The following LTBP1 variants were observed in gnomAD, a reference collection of about 807,000 sequenced individuals.
The protein encoded by LTBP1 is latent-transforming growth factor beta-binding protein 1.
A neutral mutation model predicts 207.6 loss-of-function variants in LTBP1; 129 were observed. The observed-to-expected ratio is 0.62, with a 90% CI of 0.54 to 0.72. The LOEUF (loss-of-function observed/expected upper bound fraction) is 0.72, where lower values mean the gene tolerates loss of function less well. Among genes scored for constraint, LTBP1 ranks in the 30% least tolerant of loss-of-function variants. The probability of loss-of-function intolerance (pLI) is 0.00; values close to 1 mark genes in which losing one functional copy is unlikely to be tolerated. For missense variants in LTBP1, 2,281 were observed against 2,217.2 expected (o/e 1.03, Z -0.58); for synonymous variants, 963 against 833.7 (o/e 1.16, Z -2.67).
intron 3 of LTBP1, among the ~76,000 whole-genome samples, chr2:33,026,767 T>C (rs219207): frequency 0.9 from 136,613 of 152,274 alleles, 62,945 homozygotes; most frequent in East Asian, 1. Flanking sequence ...GTGTTATACA[T>C]ATTTATTTAA....
At chr2:33,240,380 T>C (rs1242541393) in intron 9 of LTBP1, among the ~76,000 whole-genome samples, 1 of 152,240 alleles carries the variant, frequency 6.6e-6, no homozygotes, top group East Asian at 1.9e-4. Context: ...GGAATGTTCT[T>C]CTCTCATCCA....
chr2:33,324,187 G>T (rs1348058061), intron 24 of LTBP1, among the ~76,000 whole-genome samples: 1 of 151,748 alleles, frequency 6.6e-6, no homozygotes, highest in Non-Finnish European at 1.5e-5. Context: ...TAGTTACCAT[G>T]GTCAACCACA....
In LTBP1 at chr2:33,364,211, TTAAGA is replaced by T. The variant is rs1301717450; in HGVS notation, c.4400-2_4402del. On this transcript the variant is annotated splice_acceptor_variant and splice_polypyrimidine_tract_variant and coding_sequence_variant and intron_variant, in exon 30 of 34. Transcript: ENST00000404816. LOFTEE classifies it high-confidence loss of function. ...TCTTTAGTAATACTTTTTTTTGCTC[TTAAGA>T]TATGGATGAATGTCAAGACCCCAGT... 1.2e-6 allele frequency: 2 copies of T among 1,612,008 alleles called. No homozygotes were observed. Among genetic ancestry groups the T allele is most frequent in the South Asian group, 2.2e-5 (2 of 90,398 alleles).
At chr2:33,190,422 A>C (rs1415084662) in intron 7 of LTBP1, among the ~76,000 whole-genome samples, 1 of 152,222 alleles carries the variant, frequency 6.6e-6, no homozygotes, top group Non-Finnish European at 1.5e-5. Context: ...AAACACTTTT[A>C]GGTAGTAAGT....
intron 24 of LTBP1, among the ~76,000 whole-genome samples, chr2:33,317,502 T>C (rs1226733192): frequency 2.0e-5 from 3 of 152,236 alleles, no homozygotes; most frequent in Admixed American, 6.5e-5. Flanking sequence ...CTGACACTTA[T>C]GGCAGTAGTG....
At chr2:32,994,759 G>A (rs558743828) in intron 2 of LTBP1, among the ~76,000 whole-genome samples, 1 of 152,154 alleles carries the variant, frequency 6.6e-6, no homozygotes, top group African/African-American at 2.4e-5. Context: ...GAGCCACCGC[G>A]CCTGGCCACA....
intron 16 of LTBP1, 59 bp downstream of exon 16, chr2:33,273,840 A>T: frequency 6.8e-7 from 1 of 1,460,784 alleles, no homozygotes; most frequent in Non-Finnish European, 9.1e-7. Context: ...CATTAAGAAC[A>T]TTTTTTTCTT....
intron 2 of LTBP1, among the ~76,000 whole-genome samples, chr2:32,962,442 CT>C (rs1356082509): frequency 1.3e-5 from 2 of 152,122 alleles, no homozygotes; most frequent in Non-Finnish European, 2.9e-5. Flanking sequence ...TTTTGTTTTA[CT>C]TTTTCATCCA....
chr2:33,162,505 T>G (rs1177315473), intron 5 of LTBP1, among the ~76,000 whole-genome samples: 1 of 152,352 alleles, frequency 6.6e-6, no homozygotes, highest in East Asian at 1.9e-4. Flanking sequence ...AGAAACTTTG[T>G]TCTTGTCCTC....
intron 5 of LTBP1, among the ~76,000 whole-genome samples, chr2:33,178,517 C>T (rs1447096389): frequency 6.6e-6 from 1 of 151,648 alleles, no homozygotes; most frequent in Non-Finnish European, 1.5e-5. Context: ...TGCCCACCAG[C>T]ATTAAAAATT....
intron 2 of LTBP1, among the ~76,000 whole-genome samples, chr2:32,952,679 A>G (rs996504302): frequency 6.6e-6 from 1 of 151,806 alleles, no homozygotes; most frequent in African/African-American, 2.4e-5. Context: ...ACCTCCCCCC[A>G]TGCCCTGCAT....
At position 33,106,775 on chromosome 2, in the gene LTBP1, T is replaced by C. The variant is rs546694034; in HGVS notation, c.864-3807T>C. On this transcript the variant is annotated intron_variant, in intron 3 of 33. Transcript: ENST00000404816. ...AAGAGCCCTAGGATTTTTGGAATGG[T>C]AAATGAGCATTGGCTTCAACTTAAA... 9.8e-5 allele frequency among the ~76,000 whole-genome samples: 15 copies of C among 152,294 alleles called. No individual in the cohort carries two copies. In the South Asian group the frequency reaches 3.1e-3, roughly 32 times the overall value.
At chr2:33,327,051 A>G (rs2094436991) in intron 24 of LTBP1, among the ~76,000 whole-genome samples, 1 of 152,118 alleles carries the variant, frequency 6.6e-6, no homozygotes, top group Non-Finnish European at 1.5e-5. Context: ...GTAAAAAACC[A>G]TTTGCTGTTT....
At chr2:33,385,643 G>A (rs58804388) in intron 31 of LTBP1, among the ~76,000 whole-genome samples, 39,785 of 152,064 alleles carry the variant, frequency 0.26, 6,806 homozygotes, top group African/African-American at 0.48. Flanking sequence ...AAGTGGTGCA[G>A]TCAGGACTTG....
intron 3 of LTBP1, among the ~76,000 whole-genome samples, chr2:33,087,083 G>GTTTTTTTTTTTT (rs1558618712): frequency 6.0e-5 from 2 of 33,100 alleles, no homozygotes; most frequent in Non-Finnish European, 7.1e-5. Flanking sequence ...CCTCCTTTAT[G>GTTTTTTTTTTTT]CTTTTTTTTT....
At chr2:33,204,251 A>G (rs532531049) in intron 7 of LTBP1, among the ~76,000 whole-genome samples, 1 of 151,922 alleles carries the variant, frequency 6.6e-6, no homozygotes, top group Non-Finnish European at 1.5e-5. Flanking sequence ...AAAATAATTT[A>G]TATATAGAAT....
At chr2:33,318,261 G>T (rs2094302072) in intron 24 of LTBP1, among the ~76,000 whole-genome samples, 1 of 152,326 alleles carries the variant, frequency 6.6e-6, no homozygotes, top group South Asian at 2.1e-4. Flanking sequence ...AAACACCGTG[G>T]TTCTCCCATG....
intron 4 of LTBP1, among the ~76,000 whole-genome samples, chr2:33,122,822 G>A (rs150737811): frequency 2.0e-5 from 3 of 149,266 alleles, no homozygotes; most frequent in African/African-American, 5.0e-5. Context: ...CTGGTTCTGC[G>A]TTCTGGGTTC....
At chr2:33,286,085 GC>G (rs2093660269) in intron 19 of LTBP1, among the ~76,000 whole-genome samples, 1 of 152,168 alleles carries the variant, frequency 6.6e-6, no homozygotes, top group Admixed American at 6.5e-5. Flanking sequence ...TATGCAGCTA[GC>G]CTTTTGGGGG....
Sources: gnomAD v4.1 joint callset for allele counts (sites outside exome capture counted in the v4.1 genomes callset) on GRCh38, gnomAD v4.1.1 for gene constraint, MANE v1.5 for transcripts, NCBI Gene and HGNC (gene_info 2026-07-23, HGNC 2026-07-21) for gene names.